The following PTPN13 variants were observed in gnomAD, a reference collection of about 807,000 sequenced individuals.
The protein encoded by PTPN13 is protein tyrosine phosphatase non-receptor type 13.
Under a neutral mutation model 284.0 loss-of-function variants are expected in PTPN13, and 191 were observed. That is an observed-to-expected ratio of 0.67 (90% CI 0.60 to 0.76). The LOEUF (loss-of-function observed/expected upper bound fraction) is 0.76. Ranked by LOEUF, PTPN13 falls within the 30% of genes least tolerant of loss-of-function variation. PTPN13 has a pLI of 0.00. For missense variants in PTPN13, 2,797 were observed against 2,939.9 expected, an observed-to-expected ratio of 0.95 and a Z score of 1.12; for synonymous variants, 986 against 1,022.3, an observed-to-expected ratio of 0.96 and a Z score of 0.68.
chr4:86,782,250 T>C lies in PTPN13; in HGVS notation c.6012T>C (p.Asp2004=). The C allele has an allele frequency of 1.2e-6, 2 of 1,606,526 alleles. No homozygotes were observed. Among genetic ancestry groups the C allele is most frequent in the Non-Finnish European group, 1.7e-6 (2 of 1,173,178 alleles). ...GCCAGCCTGCCCTCACTCCTAATGATTCATTCTCCACGGTAAGAAAAAGCC... is the reference window on the plus strand; with the variant it reads ...GCCAGCCTGCCCTCACTCCTAATGACTCATTCTCCACGGTAAGAAAAAGCC... ...SCSQPALTPN[D]SFSTVAGEEI... is the part of the protein sequence containing the mutation. The change falls in exon 37 of 48, where the codon GAT becomes GAC. Residue 2004 remains aspartate (D), a synonymous_variant. Transcript: ENST00000411767.
chr4:86,625,576 A>G (rs1565172615), intron 1 of PTPN13, among the ~76,000 whole-genome samples: 2 of 151,936 alleles, frequency 1.3e-5, no homozygotes, highest in Non-Finnish European at 2.9e-5. Flanking sequence ...TTTTGTGTGT[A>G]TGTGTGTGTG....
chr4:86,809,708 A>T (rs1356390826), intron 45 of PTPN13, 61 bp from the exon 46 acceptor site: 1 of 1,469,056 alleles, frequency 6.8e-7, no homozygotes, highest in Non-Finnish European at 9.5e-7. Context: ...AAAAAAAAGA[A>T]TTAACTGTAT....
chr4:86,715,329 A>G (rs994644160), intron 7 of PTPN13, among the ~76,000 whole-genome samples: 52 of 152,146 alleles, frequency 3.4e-4, no homozygotes, highest in African/African-American at 1.1e-3. Flanking sequence ...ATATATATGT[A>G]TGTGTGTCTT....
Position 86,762,941 on chromosome 4 carries a change from G to T in PTPN13, c.3768G>T (p.Leu1256Phe). 1 of 1,613,894 alleles carries T rather than the reference G, an allele frequency of 6.2e-7. No homozygotes were observed. ...ATTCCAGGACTGAGAGTGCCAGCTT[G>T]TCTCAAAGCCAGGTCAATGGTTTCT... ...SQDSRTESAS[L>F]SQSQVNGFFA... Residue 1256 changes from leucine (L) to phenylalanine (F), a missense_variant, in exon 24 of 48, where the codon TTG (leucine) becomes TTT (phenylalanine). By Grantham distance (22) the Leu-to-Phe change is conservative. Transcript: ENST00000411767.
At chr4:86,786,201 C>A (rs1284643941) in intron 40 of PTPN13, among the ~76,000 whole-genome samples, 3 of 152,044 alleles carry the variant, frequency 2.0e-5, no homozygotes, top group East Asian at 3.9e-4. Context: ...ATAAATTATT[C>A]TTTAAAACCT....
intron 41 of PTPN13, among the ~76,000 whole-genome samples, chr4:86,798,411 T>G (rs1743605701): frequency 6.6e-6 from 1 of 152,254 alleles, no homozygotes; most frequent in Non-Finnish European, 1.5e-5. Context: ...GTCCATGTCC[T>G]GGTGTATACT....
Position 86,706,421 on chromosome 4 carries a change from A to G in PTPN13, c.1195+4620A>G, listed in dbSNP as rs2149030666. Among the ~76,000 whole-genome samples, 3 of 152,336 alleles carry G rather than the reference A, an allele frequency of 2.0e-5. No individual in the cohort carries two copies. The South Asian group carries it at 6.2e-4, about 32-fold the overall frequency. ...AAAAAAATTATATAATTTTTAATACAGTGAAACAAGATAGTATTAGGAAAG... is the reference window on the plus strand; with the variant it reads ...AAAAAAATTATATAATTTTTAATACGGTGAAACAAGATAGTATTAGGAAAG... On this transcript the variant is annotated intron_variant, in intron 7 of 47. Transcript: ENST00000411767.
intron 2 of PTPN13, among the ~76,000 whole-genome samples, chr4:86,645,973 T>C (rs1488727671): frequency 6.6e-6 from 1 of 152,166 alleles, no homozygotes; most frequent in East Asian, 1.9e-4. Context: ...ACTAGATCAA[T>C]TGAACATAAC....
intron 36 of PTPN13, 120 bp from the exon 37 acceptor site, chr4:86,782,080 TA>T (rs1741380132): frequency 1.6e-6 from 1 of 623,572 alleles, no homozygotes; most frequent in African/African-American, 1.9e-5. Context: ...TAATATGAAT[TA>T]TTTTTGTGTA....
At chr4:86,672,314 G>A (rs961052975) in intron 2 of PTPN13, 51 bp from the exon 3 acceptor site, 2 of 1,414,880 alleles carry the variant, frequency 1.4e-6, no homozygotes, top group Non-Finnish European at 1.9e-6. Flanking sequence ...ATAATTTTAA[G>A]CAATTTTCTT....
intron 40 of PTPN13, among the ~76,000 whole-genome samples, chr4:86,790,366 A>T (rs1220569823): frequency 6.6e-6 from 1 of 152,222 alleles, no homozygotes; most frequent in Non-Finnish European, 1.5e-5. Flanking sequence ...GAAATAACCT[A>T]TGTCACAGAC....
intron 7 of PTPN13, among the ~76,000 whole-genome samples, chr4:86,708,219 T>C (rs1006645385): frequency 2.6e-5 from 4 of 152,170 alleles, no homozygotes; most frequent in Admixed American, 2.6e-4. Flanking sequence ...TATTGGACAG[T>C]GCAGCTTTAG....
At chr4:86,786,844 G>A (rs1389288642) in intron 40 of PTPN13, among the ~76,000 whole-genome samples, 4 of 152,120 alleles carry the variant, frequency 2.6e-5, no homozygotes, top group Middle Eastern at 3.4e-3. Context: ...GGCTCATGGC[G>A]GTAATCCCAG....
chr4:86,655,441 T>G (rs1242678871), intron 2 of PTPN13, among the ~76,000 whole-genome samples: 1 of 152,180 alleles, frequency 6.6e-6, no homozygotes, highest in African/African-American at 2.4e-5. Flanking sequence ...GGCTTGGTGG[T>G]GACAAAATCT....
chr4:86,806,636 A>G (rs1244258757), intron 44 of PTPN13, among the ~76,000 whole-genome samples: 1 of 152,194 alleles, frequency 6.6e-6, no homozygotes, highest in Non-Finnish European at 1.5e-5. Flanking sequence ...TCCAAAACTA[A>G]TGAGTGGATT....
intron 2 of PTPN13, among the ~76,000 whole-genome samples, chr4:86,669,786 C>T (rs1256317815): frequency 6.6e-6 from 1 of 152,048 alleles, no homozygotes; most frequent in African/African-American, 2.4e-5. Context: ...GCATTCAGGC[C>T]TCTGTGTTAG....
Position 86,762,775 on chromosome 4 carries a change from A to C in PTPN13, c.3602A>C (p.Lys1201Thr). ...HLTNEMKNYM[K>T]KSSYMQDSAI... is the part of the protein sequence containing the mutation. ...ACCAATGAGATGAAAAACTACATGA[A>C]GAAATCTTCCTACATGCAAGACAGT... Residue 1201 changes from lysine (K) to threonine (T), a missense_variant, in exon 24 of 48, where the codon AAG (lysine) becomes ACG (threonine). Physicochemically the swap from Lys to Thr is moderately conservative, Grantham distance 78. Coordinates refer to ENST00000411767, the MANE Select transcript of PTPN13 (RefSeq NM_080683.3). 6.2e-7 allele frequency: 1 copy of C among 1,605,922 alleles called. No individual in the cohort carries two copies. Among genetic ancestry groups the C allele is most frequent in the Non-Finnish European group, 8.5e-7 (1 of 1,173,026 alleles).
At chr4:86,608,327 A>G (rs185508445) in intron 1 of PTPN13, among the ~76,000 whole-genome samples, 1 of 152,178 alleles carries the variant, frequency 6.6e-6, no homozygotes, top group Admixed American at 6.5e-5. Context: ...TTTTGCCCGA[A>G]GATTTTTTTC....
intron 3 of PTPN13, among the ~76,000 whole-genome samples, chr4:86,683,371 A>T (rs1448862237): frequency 6.6e-6 from 1 of 152,160 alleles, no homozygotes; most frequent in Non-Finnish European, 1.5e-5. Flanking sequence ...CAGGCTTAAG[A>T]CCCAAGAAGG....
Sources: gnomAD v4.1 joint callset for allele counts (sites outside exome capture counted in the v4.1 genomes callset) on GRCh38, gnomAD v4.1.1 for gene constraint, MANE v1.5 for transcripts, NCBI Gene and HGNC (gene_info 2026-07-23, HGNC 2026-07-21) for gene names.